Variants in ATP6V0D1 observed in about 807,000 individuals in gnomAD.
The protein encoded by ATP6V0D1 is V-type proton ATPase subunit d 1.
Under a neutral mutation model 39.0 loss-of-function variants are expected in ATP6V0D1, and 13 were observed. The observed-to-expected ratio is 0.33, with a 90% confidence interval of 0.22 to 0.53. The LOEUF (loss-of-function observed/expected upper bound fraction) is 0.53. ATP6V0D1 is among the 20% of genes least tolerant of loss of function. The pLI is 0.94. For synonymous variants in ATP6V0D1, 191 were observed against 191.2 expected (o/e 1.00, Z 0.01); for missense variants, 272 against 470.9 (o/e 0.58, Z 3.91).
chr16:67,463,887 C>T (rs1029218304), intron 1 of ATP6V0D1, among the ~76,000 whole-genome samples: 26 of 152,196 alleles, frequency 1.7e-4, no homozygotes, highest in African/African-American at 5.3e-4. Context: ...CTGGGAGGGA[C>T]GTGGTCACCT....
chr16:67,464,391 T>A (rs2041313236), intron 1 of ATP6V0D1, among the ~76,000 whole-genome samples: 1 of 152,186 alleles, frequency 6.6e-6, no homozygotes, highest in South Asian at 2.1e-4. Flanking sequence ...GAGACCATAA[T>A]TACGCCCTTG....
At chr16:67,473,505 C>T (rs921675824) in intron 1 of ATP6V0D1, among the ~76,000 whole-genome samples, 6 of 151,914 alleles carry the variant, frequency 3.9e-5, no homozygotes, top group East Asian at 1.9e-4. Flanking sequence ...CCCGCCACTA[C>T]GCCCAACTAA....
At chr16:67,460,523 G>A (rs1421037922) in intron 1 of ATP6V0D1, among the ~76,000 whole-genome samples, 2 of 152,124 alleles carry the variant, frequency 1.3e-5, no homozygotes, top group Non-Finnish European at 2.9e-5. Context: ...TTTACCTGGG[G>A]CCTGCAGCAC....
chr16:67,477,962 C>T (rs531533096), intron 1 of ATP6V0D1, among the ~76,000 whole-genome samples: 1 of 152,274 alleles, frequency 6.6e-6, no homozygotes, highest in Non-Finnish European at 1.5e-5. Context: ...AGCCACTGCG[C>T]CCTGTCAATA....
At chr16:67,452,673 G>T (rs1231206101) in intron 2 of ATP6V0D1, among the ~76,000 whole-genome samples, 1 of 152,190 alleles carries the variant, frequency 6.6e-6, no homozygotes, top group Non-Finnish European at 1.5e-5. Flanking sequence ...CACCCCTGTG[G>T]GGCCACCACC....
chr16:67,475,982 C>G (rs997850253), intron 1 of ATP6V0D1, among the ~76,000 whole-genome samples: 1 of 152,164 alleles, frequency 6.6e-6, no homozygotes, highest in East Asian at 1.9e-4. Context: ...GTAATCCCAG[C>G]ACTTTGGGAG....
At position 67,444,176 on chromosome 16, in the gene ATP6V0D1, A is replaced by G; in HGVS notation, c.481+352T>C. On this transcript the variant is annotated intron_variant, in intron 3 of 7. Transcript: ENST00000290949. The surrounding 1 kb of genome is among the most constrained non-coding windows in gnomAD (Gnocchi z 4.8). Reference sequence around the variant, plus strand: ...TTTACTCAGGCTCCAGCTCCGGGCCACAGTCTGTCAGAGCTCTCGGGACTC... The same window carrying G: ...TTTACTCAGGCTCCAGCTCCGGGCCGCAGTCTGTCAGAGCTCTCGGGACTC... 6.6e-6 allele frequency among the ~76,000 whole-genome samples: 1 copy of G among 152,202 alleles called. No individual in the cohort carries two copies. The highest frequency in any genetic ancestry group is 1.9e-4 in the East Asian group (1 of 5,188).
chr16:67,438,780 C>T lies in ATP6V0D1; in HGVS notation c.894+13G>A. 1.2e-6 allele frequency: 2 copies of T among 1,614,096 alleles called. No individual in the cohort carries two copies. The highest frequency in any genetic ancestry group is 4.5e-5 in the East Asian group (2 of 44,852). ...GTTGGCCTCCCTCTGACAAGCAGACCCTGCAGACTCACCTCGTGCTCAAAG... is the reference window on the plus strand; with the variant it reads ...GTTGGCCTCCCTCTGACAAGCAGACTCTGCAGACTCACCTCGTGCTCAAAG... On this transcript the variant is annotated intron_variant, in intron 7 of 7. Transcript: ENST00000290949.
intron 1 of ATP6V0D1, chr16:67,455,250 T>C (rs533036662): frequency 1.8e-4 from 27 of 152,310 alleles, no homozygotes; most frequent in African/African-American, 6.3e-4. Context: ...CATGCTAGCC[T>C]GGGTTGTTTA....
intron 1 of ATP6V0D1, among the ~76,000 whole-genome samples, chr16:67,475,833 A>G (rs1379523000): frequency 6.6e-6 from 1 of 152,260 alleles, no homozygotes; most frequent in East Asian, 1.9e-4. Context: ...GACTCAGATT[A>G]TGGTCTCTAA....
chr16:67,453,504 TGCCCA>T lies in ATP6V0D1; in HGVS notation c.302+35_302+39del. 6.2e-7 allele frequency: 1 copy of T among 1,607,436 alleles called. No homozygotes were observed. Among genetic ancestry groups the T allele is most frequent in the Non-Finnish European group, 8.5e-7 (1 of 1,175,450 alleles). On this transcript the variant is annotated intron_variant, in intron 2 of 7. Transcript: ENST00000290949. This position sits in a 1 kb window ranked among gnomAD's most constrained non-coding sequence, Gnocchi z 4.1. ...CCAGCTCCTGCAGGTGTAGCTATCC[TGCCCA>T]GGTAAGAGAAGAAGGCGCTACAAAG...
chr16:67,458,290 G>A (rs546172601), intron 1 of ATP6V0D1, among the ~76,000 whole-genome samples: 2 of 152,356 alleles, frequency 1.3e-5, no homozygotes, highest in South Asian at 4.1e-4. Flanking sequence ...ATGTGACTGG[G>A]AGGGGACGTG....
rs2041009034 is a variant in ATP6V0D1 at position 67,438,810 on chromosome 16, G to A, written c.877C>T (p.Arg293Ter). ...SNPGDKTLED[R>*]FFEHEVKLNK... The stretch of plus-strand genomic sequence containing the variant: ...AGACTCACCTCGTGCTCAAAGAATC[G>A]GTCCTCCAGCGTCTTGTCTCCAGGG... The change falls in exon 7 of 8, where the codon CGA becomes TGA. Residue 293 changes from arginine (R) to a stop codon, truncating the protein, a stop_gained. Coordinates refer to ENST00000290949, the MANE Select transcript of ATP6V0D1 (RefSeq NM_004691.5). LOFTEE classifies it high-confidence loss of function. 5 of 1,613,824 alleles carry A rather than the reference G, an allele frequency of 3.1e-6. No individual in the cohort carries two copies. Among genetic ancestry groups the A allele is most frequent in the African/African-American group, 1.3e-5 (1 of 74,838 alleles).
At position 67,438,822 on chromosome 16, in the gene ATP6V0D1, T is replaced by A. The variant is rs758364505; in HGVS notation, c.865A>T (p.Thr289Ser). 1 of 1,613,616 alleles carries A rather than the reference T, an allele frequency of 6.2e-7. No homozygotes were observed. The highest frequency in any genetic ancestry group is 1.7e-5 in the Admixed American group (1 of 59,968). Residue 289 changes from threonine (T) to serine (S), a missense_variant, in exon 7 of 8, where the codon ACG becomes TCG. Physicochemically the swap from Thr to Ser is moderately conservative, Grantham distance 58. Transcript: ENST00000290949. ...EGAGSNPGDK[T>S]LEDRFFEHEV... The stretch of plus-strand genomic sequence containing the variant: ...TGCTCAAAGAATCGGTCCTCCAGCG[T>A]CTTGTCTCCAGGGTTGCTACCTGCA...
At position 67,453,841 on chromosome 16, in the gene ATP6V0D1, C is replaced by G; in HGVS notation, c.131-126G>C. On this transcript the variant is annotated intron_variant, in intron 1 of 7. Coordinates refer to ENST00000290949, the MANE Select transcript of ATP6V0D1 (RefSeq NM_004691.5). The surrounding 1 kb of genome is among the most constrained non-coding windows in gnomAD (Gnocchi z 4.1). ...AGTTGTGTCCCGCTACTACCCTGAT[C>G]TCCATCTCCCTGTTGGCTCAGGGCC... 2.3e-6 allele frequency: 2 copies of G among 867,774 alleles called. No homozygotes were observed. Among genetic ancestry groups the G allele is most frequent in the Non-Finnish European group, 3.5e-6 (2 of 565,624 alleles). The allele number at this position is 867,774 out of a possible 1,614,324, so 53.8% of individuals were successfully genotyped here. A position where few individuals can be genotyped will look rare whatever the true frequency, so the allele number is the denominator to read the frequency against.
rs1300622079 is a variant in ATP6V0D1 at position 67,460,299 on chromosome 16, C to A, written c.131-6584G>T. ...GGACCAATGTGGACAGATGGCCAGG[C>A]TGGTGGCCCAACAAAGCGAGAGCTG... On this transcript the variant is annotated intron_variant, in intron 1 of 7. Coordinates refer to ENST00000290949, the MANE Select transcript of ATP6V0D1 (RefSeq NM_004691.5). Among the ~76,000 whole-genome samples the A allele has an allele frequency of 4.0e-5, 6 of 150,486 alleles. No individual in the cohort carries two copies. In the South Asian group the frequency reaches 1.2e-3, roughly 31 times the overall value.
intron 1 of ATP6V0D1, among the ~76,000 whole-genome samples, chr16:67,465,228 C>T (rs1235174966): frequency 1.3e-5 from 2 of 152,236 alleles, no homozygotes; most frequent in African/African-American, 4.8e-5. Context: ...TGTCAATCAA[C>T]TGATAACCCA....
chr16:67,473,118 A>G lies in ATP6V0D1; in HGVS notation c.130+7839T>C, dbSNP rs1476104542. Among the ~76,000 whole-genome samples the G allele has an allele frequency of 2.6e-5, 4 of 152,080 alleles. No individual in the cohort carries two copies. The East Asian group carries it at 5.8e-4, about 22-fold the overall frequency. On this transcript the variant is annotated intron_variant, in intron 1 of 7. Coordinates refer to ENST00000290949, the MANE Select transcript of ATP6V0D1 (RefSeq NM_004691.5). ...ACTCTACTTTCTCCTTCCACCTCCC[A>G]AGGCTGCTGTCATGCACGAGGCAGT...
chr16:67,452,164 G>A (rs558769444), intron 2 of ATP6V0D1: 1 of 1,494,742 alleles, frequency 6.7e-7, no homozygotes, highest in African/African-American at 1.4e-5. Context: ...GAGCTGCAAT[G>A]TGACCCCTAA....
Sources: allele counts gnomAD v4.1 joint callset (sites outside exome capture counted in the v4.1 genomes callset), GRCh38; gene constraint gnomAD v4.1.1; non-coding constraint Gnocchi (gnomAD v3.1); transcripts MANE v1.5; gene names NCBI Gene and HGNC (gene_info 2026-07-23, HGNC 2026-07-21).